EDN3: variants seen among roughly 807,000 people sequenced by gnomAD.
The protein encoded by EDN3 is endothelin 3.
EDN3 carries 9 observed loss-of-function variants against 21.4 expected under a neutral mutation model. The ratio of observed to expected loss-of-function variants is 0.42; its 90% CI spans 0.25 to 0.73. The LOEUF is 0.73. Among genes scored for constraint, EDN3 ranks in the 30% least tolerant of loss-of-function variants. The probability of loss-of-function intolerance (pLI) is 0.26; values close to 1 mark genes in which losing one functional copy is unlikely to be tolerated. For synonymous variants in EDN3, 133 were observed against 126.2 expected (o/e 1.05, Z -0.36); for missense variants, 327 against 309.4 (o/e 1.06, Z -0.43).
chr20:59,308,228 G>A (rs1056914701), intron 2 of EDN3, among the ~76,000 whole-genome samples: 13 of 152,262 alleles, frequency 8.5e-5, no homozygotes, highest in Non-Finnish European at 1.5e-4. Flanking sequence ...GCGAGAGGGC[G>A]AGGGACCCCC....
chr20:59,300,845 C>T lies in EDN3; in HGVS notation c.33C>T (p.Leu11=), dbSNP rs1988951226. MEPGLWLLFG[L]TVTSAAGFVP... ...CGGGGCTGTGGCTCCTTTTCGGGCT[C>T]ACAGTGACCTCCGCCGCAGGTAAGC... Residue 11 remains leucine, a synonymous_variant, in exon 1 of 5, where the codon CTC becomes CTT. Transcript: ENST00000337938. 6.2e-7 allele frequency: 1 copy of T among 1,611,414 alleles called. No homozygotes were observed. The highest frequency in any genetic ancestry group is 1.3e-5 in the African/African-American group (1 of 75,024).
In EDN3 at chr20:59,325,585, T is replaced by C. The variant is rs1351785390; in HGVS notation, c.*1126T>C. On this transcript the variant is annotated 3_prime_UTR_variant, in exon 5 of 5. Transcript: ENST00000337938. Reference sequence around the variant, plus strand: ...ATTTAAGATGGTGTATGACAGAGCATTGGCCTTGACCAAATGTTAAATCCT... The same window carrying C: ...ATTTAAGATGGTGTATGACAGAGCACTGGCCTTGACCAAATGTTAAATCCT... The C allele has an allele frequency of 6.6e-6, 1 of 152,214 alleles. No individual in the cohort carries two copies. The highest frequency in any genetic ancestry group is 1.9e-4 in the East Asian group (1 of 5,198). The allele number at this position is 152,214 out of a possible 1,614,324, so 9.4% of individuals were successfully genotyped here.
rs775443105 is a variant in EDN3, at chr20:59,322,403, G to C, written c.574G>C (p.Glu192Gln). 2 of 1,614,090 alleles carry C rather than the reference G, an allele frequency of 1.2e-6. No individual in the cohort carries two copies. The highest frequency in any genetic ancestry group is 4.5e-5 in the East Asian group (2 of 44,904). ...AAGGACGGCAGAAAAAACAGACAAA[G>C]AAGAGGAAGGGAAGGTGAGAGGTGC... ...NSRTAEKTDK[E>Q]EEGKVEVKDQ... Residue 192 changes from glutamate (E) to glutamine (Q), a missense_variant, in exon 4 of 5, where the codon GAA becomes CAA. Physicochemically the swap from Glu to Gln is conservative, Grantham distance 29. Transcript: ENST00000337938. This position sits in a 1 kb window ranked among gnomAD's most constrained non-coding sequence, Gnocchi z 4.1.
intron 3 of EDN3, 126 bp downstream of exon 3, chr20:59,321,319 T>C: frequency 8.6e-7 from 1 of 1,165,290 alleles, no homozygotes; most frequent in African/African-American, 1.5e-5. Context: ...TGTCGTCCTG[T>C]GGGCCAGAGA....
At chr20:59,311,928 G>T (rs1417102181) in intron 2 of EDN3, among the ~76,000 whole-genome samples, 1 of 152,146 alleles carries the variant, frequency 6.6e-6, no homozygotes, top group African/African-American at 2.4e-5. Context: ...CATAAGTCTT[G>T]CTCATGAAGA....
At chr20:59,310,373 A>G (rs1282020236) in intron 2 of EDN3, among the ~76,000 whole-genome samples, 1 of 152,164 alleles carries the variant, frequency 6.6e-6, no homozygotes, top group African/African-American at 2.4e-5. Context: ...AATTAATTGC[A>G]CTCGGAAAAT....
Position 59,300,628 on chromosome 20 carries a change from G to T in EDN3, c.-185G>T, listed in dbSNP as rs780505724. The T allele has an allele frequency of 7.2e-5, 45 of 621,600 alleles. No homozygotes were observed. Among genetic ancestry groups the T allele is most frequent in the Non-Finnish European group, 1.2e-4 (42 of 357,394 alleles). 38.5% of individuals were successfully genotyped at this position (621,600 alleles called of 1,614,324 possible). On this transcript the variant is annotated 5_prime_UTR_variant, in exon 1 of 5. Transcript: ENST00000337938. ...CCAGCTCCGCGCAGGGATGGGCAGC[G>T]CGCTCTGAAAGTTTATGACCGCCGC...
rs1990587292 is a variant in EDN3, at chr20:59,322,165, G to A, written c.543-207G>A. 6.6e-6 allele frequency among the ~76,000 whole-genome samples: 1 copy of A among 152,292 alleles called. No homozygotes were observed. The highest frequency in any genetic ancestry group is 2.1e-4 in the South Asian group (1 of 4,822). On this transcript the variant is annotated intron_variant, in intron 3 of 4. Transcript: ENST00000337938. This position sits in a 1 kb window ranked among gnomAD's most constrained non-coding sequence, Gnocchi z 4.1. ...CCTTCTGGGCTTTTAAACATCCGAT[G>A]AATAAGTGAGTGGTGAGTATATTCT...
intron 2 of EDN3, among the ~76,000 whole-genome samples, chr20:59,304,728 A>T (rs546887330): frequency 6.6e-6 from 1 of 152,212 alleles, no homozygotes; most frequent in South Asian, 2.1e-4. Context: ...TGTCTAGTTC[A>T]GGCTCAAGAG....
In EDN3 at chr20:59,303,340, C is replaced by A. The variant is rs11570265; in HGVS notation, c.365+1618C>A. Among the ~76,000 whole-genome samples, 6 of 152,140 alleles carry A rather than the reference C, an allele frequency of 3.9e-5. No individual in the cohort carries two copies. In the South Asian group the frequency reaches 1.2e-3, roughly 32 times the overall value. On this transcript the variant is annotated intron_variant, in intron 2 of 4. Coordinates refer to ENST00000337938, the MANE Select transcript of EDN3 (RefSeq NM_207034.3). ...TCAATTGCCTCTTATCCTCAGATAG[C>A]GAGGGGAGTCACCTTTCCTTGTAGC... is the stretch of plus-strand genomic sequence containing the variant.
chr20:59,322,215 C>A lies in EDN3; in HGVS notation c.543-157C>A. On this transcript the variant is annotated intron_variant, in intron 3 of 4. Coordinates refer to ENST00000337938, the MANE Select transcript of EDN3 (RefSeq NM_207034.3). This position sits in a 1 kb window ranked among gnomAD's most constrained non-coding sequence, Gnocchi z 4.1. ...TGTACTTTGGTAGAAATCCACCCAC[C>A]GAGTGCTCAGCCTTCAGAAACTGTG... is the stretch of plus-strand genomic sequence containing the variant. 1 of 218,792 alleles carries A rather than the reference C, an allele frequency of 4.6e-6. No homozygotes were observed. Among genetic ancestry groups the A allele is most frequent in the Non-Finnish European group, 7.7e-6 (1 of 129,080 alleles). The allele number at this position is 218,792 out of a possible 1,614,324, so 13.6% of individuals were successfully genotyped here.
At position 59,300,836 on chromosome 20, in the gene EDN3, T is replaced by G. The variant is rs765898330; in HGVS notation, c.24T>G (p.Leu8=). The G allele has an allele frequency of 1.1e-5, 17 of 1,611,370 alleles. No individual in the cohort carries two copies. In the East Asian group the frequency reaches 3.3e-4, roughly 32 times the overall value. MEPGLWL[L]FGLTVTSAAG... is the part of the protein sequence containing the mutation. ...TCATGGAGCCGGGGCTGTGGCTCCT[T>G]TTCGGGCTCACAGTGACCTCCGCCG... The change falls in exon 1 of 5, where the codon CTT becomes CTG. Residue 8 remains leucine, a synonymous_variant. Transcript: ENST00000337938.
Position 59,322,479 on chromosome 20 carries a change from G to T in EDN3, c.588+62G>T. On this transcript the variant is annotated intron_variant, in intron 4 of 4. Transcript: ENST00000337938. This position sits in a 1 kb window ranked among gnomAD's most constrained non-coding sequence, Gnocchi z 4.1. ...TGAAGATGTGACGTGTCATTCCTTCGGGGGTGGGTGGAGGGTGTTTTGAGG... is the reference window on the plus strand; with the variant it reads ...TGAAGATGTGACGTGTCATTCCTTCTGGGGTGGGTGGAGGGTGTTTTGAGG... 6.2e-7 allele frequency: 1 copy of T among 1,609,340 alleles called. No homozygotes were observed. The highest frequency in any genetic ancestry group is 8.5e-7 in the Non-Finnish European group (1 of 1,175,882).
chr20:59,316,190 G>A (rs11570321), intron 2 of EDN3, among the ~76,000 whole-genome samples: 22 of 152,132 alleles, frequency 1.4e-4, no homozygotes, highest in African/African-American at 5.3e-4. Context: ...GTCTCAAAAC[G>A]AAAACAAAAA....
At chr20:59,302,978 C>T (rs189433448) in intron 2 of EDN3, among the ~76,000 whole-genome samples, 1 of 152,252 alleles carries the variant, frequency 6.6e-6, no homozygotes, top group African/African-American at 2.4e-5. Flanking sequence ...GGGGACAAGA[C>T]CTCTAATCAC....
chr20:59,301,721 G>A lies in EDN3; in HGVS notation c.364G>A (p.Glu122Lys). The A allele has an allele frequency of 1.2e-6, 2 of 1,614,124 alleles. No individual in the cohort carries two copies. The highest frequency in any genetic ancestry group is 1.7e-6 in the Non-Finnish European group (2 of 1,179,958). Reference sequence around the variant, plus strand: ...GGACATCATTTGGATCAACACTCCCGAGTAAGTCAGCCTTTTGTGGTGAGG... The same window carrying A: ...GGACATCATTTGGATCAACACTCCCAAGTAAGTCAGCCTTTTGTGGTGAGG... ...HLDIIWINTP[E>K]QTVPYGLSNY... The change falls in exon 2 of 5, where the codon GAA (glutamate) becomes AAA (lysine). Residue 122 changes from glutamate to lysine, a missense_variant and splice_region_variant. By Grantham distance (56) the Glu-to-Lys change is moderately conservative. Transcript: ENST00000337938.
rs192213863 is a variant in EDN3, at chr20:59,323,643, C to T, written c.589-688C>T. ...TGGTTGCAGTTTGAGATGGGGTTGACGTGGCCTCATCTTTCTCACCAGGTG... is the reference window on the plus strand; with the variant it reads ...TGGTTGCAGTTTGAGATGGGGTTGATGTGGCCTCATCTTTCTCACCAGGTG... On this transcript the variant is annotated intron_variant, in intron 4 of 4. Coordinates refer to ENST00000337938, the MANE Select transcript of EDN3 (RefSeq NM_207034.3). 4 of 399,794 alleles carry T rather than the reference C, an allele frequency of 1.0e-5. No homozygotes were observed. In the Admixed American group the frequency reaches 1.3e-4, roughly 13 times the overall value. 24.8% of individuals were successfully genotyped at this position (399,794 alleles called of 1,614,324 possible). A position where few individuals can be genotyped will look rare whatever the true frequency, so the allele number is the denominator to read the frequency against.
rs758644212 is a variant in EDN3, at chr20:59,301,478, A to G, written c.121A>G (p.Arg41Gly). The change falls in exon 2 of 5, where the codon AGA (arginine) becomes GGA (glycine). Residue 41 changes from arginine (R) to glycine (G), a missense_variant. Coordinates refer to ENST00000337938, the MANE Select transcript of EDN3 (RefSeq NM_207034.3). ...RGVSQAPTAA[R>G]SEGDCEETVA... ...CGTGTCCCAGGCCCCCACTGCAGCCAGATCTGAGGGGGACTGTGAAGAGAC... is the reference window on the plus strand; with the variant it reads ...CGTGTCCCAGGCCCCCACTGCAGCCGGATCTGAGGGGGACTGTGAAGAGAC... 1.9e-6 allele frequency: 3 copies of G among 1,613,662 alleles called. No homozygotes were observed. The Admixed American group carries it at 5.0e-5, about 27-fold the overall frequency.
chr20:59,314,642 C>G (rs1323390002), intron 2 of EDN3, among the ~76,000 whole-genome samples: 2 of 152,100 alleles, frequency 1.3e-5, no homozygotes, highest in Non-Finnish European at 2.9e-5. Context: ...CAGTTTAGGT[C>G]TCCTGACCAG....
Sources: gnomAD v4.1 joint callset for allele counts (sites outside exome capture counted in the v4.1 genomes callset) on GRCh38, gnomAD v4.1.1 for gene constraint, Gnocchi (gnomAD v3.1) non-coding constraint, MANE v1.5 for transcripts, NCBI Gene and HGNC (gene_info 2026-07-23, HGNC 2026-07-21) for gene names.